SCFD2: variants seen among roughly 807,000 people sequenced by gnomAD.
SCFD2 encodes the protein sec1 family domain-containing protein 2.
In SCFD2, 54 loss-of-function variants were observed where a neutral mutation model predicts 58.9. The observed-to-expected ratio is 0.92, with a 90% CI of 0.74 to 1.15. The LOEUF (loss-of-function observed/expected upper bound fraction) is 1.15, where lower values mean the gene tolerates loss of function less well. SCFD2 is among the 50% of genes most tolerant of loss of function. SCFD2 has a pLI of 0.00. For missense variants in SCFD2, 805 were observed against 836.6 expected (o/e 0.96, Z 0.47); for synonymous variants, 321 against 335.9 (o/e 0.96, Z 0.49).
At chr4:53,174,962 G>A (rs1019011935) in intron 4 of SCFD2, among the ~76,000 whole-genome samples, 6 of 152,126 alleles carry the variant, frequency 3.9e-5, no homozygotes, top group East Asian at 3.9e-4. Context: ...TGTTTGTGAC[G>A]GACCACAGCT....
At chr4:53,214,862 T>A (rs559927700) in intron 4 of SCFD2, among the ~76,000 whole-genome samples, 2 of 152,186 alleles carry the variant, frequency 1.3e-5, no homozygotes, top group Non-Finnish European at 2.9e-5. Context: ...GTTTCAGCTC[T>A]CTACATATGG....
In SCFD2 at chr4:53,109,867, C is replaced by T. The variant is rs1387401401; in HGVS notation, c.1561+35466G>A. Among the ~76,000 whole-genome samples the T allele has an allele frequency of 2.6e-5, 4 of 152,222 alleles. No individual in the cohort carries two copies. The East Asian group carries it at 5.8e-4, about 22-fold the overall frequency. ...TCCTTCACAGAATTAGAAAAAATTA[C>T]TTTAAATTTCACATGGAACTAAAAA... On this transcript the variant is annotated intron_variant, in intron 5 of 8. Coordinates refer to ENST00000401642, the MANE Select transcript of SCFD2 (RefSeq NM_152540.4).
intron 5 of SCFD2, among the ~76,000 whole-genome samples, chr4:53,130,755 T>C (rs551897055): frequency 4.6e-5 from 7 of 152,234 alleles, no homozygotes; most frequent in Admixed American, 2.0e-4. Context: ...TAGAATGACA[T>C]AAACCAAAAG....
intron 5 of SCFD2, among the ~76,000 whole-genome samples, chr4:53,032,602 C>T (rs141183769): frequency 0.015 from 2,246 of 152,108 alleles, 55 homozygotes; most frequent in African/African-American, 0.051. Flanking sequence ...GAATATTTAC[C>T]AAGCAAATGT....
At chr4:53,105,833 TC>T (rs1724978537) in intron 5 of SCFD2, among the ~76,000 whole-genome samples, 1 of 152,166 alleles carries the variant, frequency 6.6e-6, no homozygotes, top group Admixed American at 6.5e-5. Context: ...GTGCTCGTGC[TC>T]TGCTAAGGGA....
chr4:53,242,251 G>A (rs1269290727), intron 4 of SCFD2, among the ~76,000 whole-genome samples: 3 of 152,214 alleles, frequency 2.0e-5, no homozygotes, highest in African/African-American at 7.2e-5. Flanking sequence ...CCAGCAGTAT[G>A]GGAGCACCTC....
chr4:53,322,528 T>C (rs1733057459), intron 2 of SCFD2, among the ~76,000 whole-genome samples: 2 of 152,204 alleles, frequency 1.3e-5, no homozygotes, highest in South Asian at 4.1e-4. Flanking sequence ...TAAACATTTT[T>C]TATTCCTACT....
At chr4:52,894,679 C>T (rs781114623) in intron 7 of SCFD2, among the ~76,000 whole-genome samples, 13 of 152,224 alleles carry the variant, frequency 8.5e-5, no homozygotes, top group Admixed American at 2.6e-4. Context: ...CCCTAGTGGG[C>T]TTCACACACT....
intron 5 of SCFD2, among the ~76,000 whole-genome samples, chr4:53,050,081 C>A (rs1172127452): frequency 6.6e-6 from 1 of 152,062 alleles, no homozygotes; most frequent in Non-Finnish European, 1.5e-5. Flanking sequence ...ATGTCACATG[C>A]AAAGGTAGTC....
Position 53,134,866 on chromosome 4 carries a change from C to T in SCFD2, c.1561+10467G>A, listed in dbSNP as rs530889241. ...AGCTCTTCTCATGGAGTAAATCAGA[C>T]GTTCTAGCTGGCTTTAGTTTCCAGA... On this transcript the variant is annotated intron_variant, in intron 5 of 8. Transcript: ENST00000401642. Among the ~76,000 whole-genome samples, 9 of 152,280 alleles carry T rather than the reference C, an allele frequency of 5.9e-5. No individual in the cohort carries two copies. In the South Asian group the frequency reaches 8.3e-4, roughly 14 times the overall value.
At chr4:53,123,009 G>A (rs921144555) in intron 5 of SCFD2, among the ~76,000 whole-genome samples, 6 of 151,814 alleles carry the variant, frequency 4.0e-5, no homozygotes, top group South Asian at 2.1e-4. Context: ...TGGAATATAC[G>A]TACAATTCCT....
chr4:53,052,364 C>A (rs1465488706), intron 5 of SCFD2, among the ~76,000 whole-genome samples: 1 of 152,176 alleles, frequency 6.6e-6, no homozygotes, highest in East Asian at 1.9e-4. Context: ...CTTTCCCAGT[C>A]CTCTAAATTA....
At chr4:53,294,061 G>T (rs1731937736) in intron 3 of SCFD2, among the ~76,000 whole-genome samples, 1 of 152,124 alleles carries the variant, frequency 6.6e-6, no homozygotes, top group Non-Finnish European at 1.5e-5. Flanking sequence ...CATTTGGGTT[G>T]GTTCCAAGTC....
At chr4:53,229,250 C>T (rs1462445743) in intron 4 of SCFD2, among the ~76,000 whole-genome samples, 2 of 152,130 alleles carry the variant, frequency 1.3e-5, no homozygotes, top group Non-Finnish European at 2.9e-5. Context: ...TGACTTTCTA[C>T]ACAGAATTGG....
At chr4:53,005,758 A>T (rs1444692803) in intron 5 of SCFD2, among the ~76,000 whole-genome samples, 1 of 152,224 alleles carries the variant, frequency 6.6e-6, no homozygotes. Context: ...TCTTATCCTG[A>T]CTGAAGCATG....
intron 5 of SCFD2, among the ~76,000 whole-genome samples, chr4:53,055,162 T>C (rs1306626122): frequency 6.6e-6 from 1 of 152,216 alleles, no homozygotes; most frequent in Admixed American, 6.5e-5. Flanking sequence ...ATTTAATCTT[T>C]ATGGCAGCCC....
At chr4:53,291,518 A>G (rs942305614) in intron 3 of SCFD2, among the ~76,000 whole-genome samples, 1 of 152,182 alleles carries the variant, frequency 6.6e-6, no homozygotes, top group Non-Finnish European at 1.5e-5. Context: ...ATGGAGAGGA[A>G]GAATCAATAT....
At chr4:53,237,485 TCCCTC>T (rs1729670800) in intron 4 of SCFD2, among the ~76,000 whole-genome samples, 2 of 7,746 alleles carry the variant, frequency 2.6e-4, no homozygotes, top group African/African-American at 1.4e-3. Context: ...CCCCCCCACC[TCCCTC>T]CCGGACGGGC....
At chr4:53,097,147 G>A (rs535062619) in intron 5 of SCFD2, among the ~76,000 whole-genome samples, 108 of 152,226 alleles carry the variant, frequency 7.1e-4, no homozygotes, top group Non-Finnish European at 1.2e-3. Context: ...GTTAGGTAGC[G>A]TGATGCCTCC....
Sources: allele counts gnomAD v4.1 joint callset (sites outside exome capture counted in the v4.1 genomes callset), GRCh38; gene constraint gnomAD v4.1.1; transcripts MANE v1.5; gene names NCBI Gene and HGNC (gene_info 2026-07-23, HGNC 2026-07-21).